CLRN1: variants seen among roughly 807,000 people sequenced by gnomAD.
CLRN1 encodes clarin-1.
In CLRN1, 15 loss-of-function variants were observed where a neutral mutation model predicts 18.7. The ratio of observed to expected loss-of-function variants is 0.80; its 90% CI spans 0.54 to 1.23. The LOEUF (loss-of-function observed/expected upper bound fraction) is 1.23. CLRN1 is among the 50% of genes most tolerant of loss of function. The pLI is 0.00. For missense variants in CLRN1, 311 were observed against 277.5 expected (o/e 1.12, Z -0.86); for synonymous variants, 104 against 102.9 (o/e 1.01, Z -0.07).
rs567265508 is a variant in CLRN1 at position 150,927,843 on chromosome 3, A to G, written c.*93T>C. ...TCACGAAGGGTCCTGATGCTTTAAT[A>G]TATGCAGACTAAAAGGATATGCAAA... On this transcript the variant is annotated 3_prime_UTR_variant, in exon 3 of 3. Transcript: ENST00000327047. The G allele has an allele frequency of 2.3e-4, 330 of 1,416,070 alleles. 3 individuals are homozygous for G. In the African/African-American group the frequency reaches 4.2e-3, roughly 18 times the overall value. The allele number at this position is 1,416,070 out of a possible 1,614,324, so 87.7% of individuals were successfully genotyped here. A position where few individuals can be genotyped will look rare whatever the true frequency, so the allele number is the denominator to read the frequency against.
At position 150,972,473 on chromosome 3, in the gene CLRN1, C is replaced by T; in HGVS notation, c.236G>A (p.Arg79Lys). Residue 79 changes from arginine (R) to lysine (K), a missense_variant, in exon 1 of 3, where the codon AGG becomes AAG. Transcript: ENST00000327047. ...EGVRQCGLGARPFRFSFFPDL... is the reference protein window; with the variant it reads ...EGVRQCGLGAKPFRFSFFPDL... ...CTACTTACATGAGAACCGAAAGGGC[C>T]TTGCTCCCAACCCACACTGCCTCAC... is the stretch of plus-strand genomic sequence containing the variant. 1 of 1,614,160 alleles carries T rather than the reference C, an allele frequency of 6.2e-7. No homozygotes were observed. The highest frequency in any genetic ancestry group is 8.5e-7 in the Non-Finnish European group (1 of 1,180,036).
chr3:150,949,513 C>A (rs1036941694), intron 1 of CLRN1, among the ~76,000 whole-genome samples: 8 of 152,156 alleles, frequency 5.3e-5, no homozygotes, highest in African/African-American at 1.4e-4. Flanking sequence ...AGCAAAGTCT[C>A]AGGATACAAA....
In CLRN1 at chr3:150,972,501, C is replaced by A. The variant is rs983316791; in HGVS notation, c.208G>T (p.Gly70Cys). The A allele has an allele frequency of 5.0e-6, 8 of 1,614,146 alleles. No individual in the cohort carries two copies. Among genetic ancestry groups the A allele is most frequent in the Non-Finnish European group, 5.9e-6 (7 of 1,180,044 alleles). ...GCTCCCAACCCACACTGCCTCACAC[C>A]CTCTCCGTGGAAAAGCCCGTACTGC... ...EMQYGLFHGE[G>C]VRQCGLGARP... Residue 70 changes from glycine (G) to cysteine (C), a missense_variant, in exon 1 of 3, where the codon GGT (glycine) becomes TGT (cysteine). Transcript: ENST00000327047.
At chr3:150,931,389 T>C (rs993957677) in intron 2 of CLRN1, among the ~76,000 whole-genome samples, 3 of 152,212 alleles carry the variant, frequency 2.0e-5, no homozygotes, top group Admixed American at 2.0e-4. Flanking sequence ...GTCTCTCTTC[T>C]GGAGAGGTTC....
intron 1 of CLRN1, among the ~76,000 whole-genome samples, chr3:150,944,799 C>T (rs1302824880): frequency 6.6e-6 from 1 of 151,444 alleles, no homozygotes; most frequent in Non-Finnish European, 1.5e-5. Context: ...AATTTTTTGT[C>T]CTGAGCAACT....
At chr3:150,940,575 T>C in intron 2 of CLRN1, 1 of 1,494,614 alleles carries the variant, frequency 6.7e-7, no homozygotes, top group African/African-American at 1.4e-5. Flanking sequence ...GTTTGCTTTG[T>C]GTGAGTTGTT....
chr3:150,941,618 C>G lies in CLRN1; in HGVS notation c.397G>C (p.Gly133Arg). 1 of 1,613,946 alleles carries G rather than the reference C, an allele frequency of 6.2e-7. No individual in the cohort carries two copies. The highest frequency in any genetic ancestry group is 1.1e-5 in the South Asian group (1 of 91,066). The change falls in exon 2 of 3, where the codon GGT (glycine) becomes CGT (arginine). Residue 133 changes from glycine to arginine, a missense_variant. Gly to Arg is a moderately radical substitution (Grantham distance 125). Coordinates refer to ENST00000327047, the MANE Select transcript of CLRN1 (RefSeq NM_174878.3). ...CTCAAAAGGTACAGCCCTAGGGGAC[C>G]ATGCAGAGTTTCAAAAGGTTTTCCA... ...AFGKPFETLH[G>R]PLGLYLLSFI... is the part of the protein sequence containing the mutation.
chr3:150,941,287 A>T (rs1319776145), intron 2 of CLRN1: 1 of 284,442 alleles, frequency 3.5e-6, no homozygotes, highest in African/African-American at 2.2e-5. Flanking sequence ...ATATAAGTTT[A>T]CATACTGCTT....
intron 2 of CLRN1, among the ~76,000 whole-genome samples, chr3:150,941,159 T>TCTATCTATCTATCTAC (rs1213604876): frequency 8.6e-6 from 1 of 115,672 alleles, no homozygotes; most frequent in East Asian, 2.8e-4. Context: ...TATCTATCTA[T>TCTATCTATCTATCTAC]CTATCTATCT....
chr3:150,961,606 G>T (rs1206237159), intron 1 of CLRN1, among the ~76,000 whole-genome samples: 1 of 152,162 alleles, frequency 6.6e-6, no homozygotes, highest in Non-Finnish European at 1.5e-5. Flanking sequence ...AGTTTCAGAG[G>T]TCCTGTTTTT....
intron 2 of CLRN1, among the ~76,000 whole-genome samples, chr3:150,931,260 T>C (rs933710657): frequency 3.0e-4 from 46 of 152,064 alleles, no homozygotes; most frequent in Admixed American, 6.6e-5. Context: ...ATAAAAGAAG[T>C]GTGTAAGTGA....
At chr3:150,968,752 A>G (rs958199409) in intron 1 of CLRN1, among the ~76,000 whole-genome samples, 3 of 152,184 alleles carry the variant, frequency 2.0e-5, no homozygotes, top group Non-Finnish European at 4.4e-5. Context: ...TATGAACACC[A>G]TCAATCACCA....
At chr3:150,961,099 G>A (rs765495855) in intron 1 of CLRN1, among the ~76,000 whole-genome samples, 8 of 152,248 alleles carry the variant, frequency 5.3e-5, no homozygotes, top group Non-Finnish European at 1.2e-4. Flanking sequence ...GAAAATGGAA[G>A]CGAAAGATCC....
At chr3:150,941,885 A>G in intron 1 of CLRN1, 124 bp from the exon 2 acceptor site, 1 of 861,304 alleles carries the variant, frequency 1.2e-6, no homozygotes, top group Non-Finnish European at 1.9e-6. Flanking sequence ...TGATGAATAC[A>G]TTCTCACTTA....
intron 1 of CLRN1, among the ~76,000 whole-genome samples, chr3:150,969,079 A>C (rs142080013): frequency 7.5e-4 from 114 of 151,846 alleles, no homozygotes; most frequent in African/African-American, 2.6e-3. Context: ...TGTAAATGTA[A>C]AATACACTCT....
intron 2 of CLRN1, chr3:150,940,533 A>G (rs1183548505): frequency 1.3e-6 from 2 of 1,534,124 alleles, no homozygotes; most frequent in Admixed American, 3.9e-5. Flanking sequence ...CAGGAGAAAA[A>G]GAAACAGTCG....
chr3:150,963,853 GC>G (rs1715148761), intron 1 of CLRN1, among the ~76,000 whole-genome samples: 1 of 152,152 alleles, frequency 6.6e-6, no homozygotes, highest in African/African-American at 2.4e-5. Flanking sequence ...GGGAAAACTG[GC>G]TAGCCATATG....
chr3:150,945,461 GT>G (rs1714112964), intron 1 of CLRN1: 2 of 1,258,214 alleles, frequency 1.6e-6, no homozygotes, highest in South Asian at 2.6e-5. Flanking sequence ...AGGAGAGAAA[GT>G]TTCATTGGGT....
chr3:150,970,987 T>C (rs777569825), intron 1 of CLRN1, among the ~76,000 whole-genome samples: 1 of 152,224 alleles, frequency 6.6e-6, no homozygotes, highest in Non-Finnish European at 1.5e-5. Context: ...TCCTATGGCA[T>C]GAGTAAAGTT....
Sources: gnomAD v4.1 joint callset for allele counts (sites outside exome capture counted in the v4.1 genomes callset) on GRCh38, gnomAD v4.1.1 for gene constraint, MANE v1.5 for transcripts, NCBI Gene and HGNC (gene_info 2026-07-23, HGNC 2026-07-21) for gene names.